Variants in CLSPN observed in about 807,000 individuals in gnomAD.
The protein encoded by CLSPN is claspin homolog.
Under a neutral mutation model 156.3 loss-of-function variants are expected in CLSPN, and 85 were observed. The observed-to-expected ratio is 0.54, with a 90% CI of 0.46 to 0.65. The LOEUF (loss-of-function observed/expected upper bound fraction) is 0.65. Ranked by LOEUF, CLSPN falls within the 30% of genes least tolerant of loss-of-function variation. The pLI is 0.00. For missense variants in CLSPN, 1,407 were observed against 1,554.9 expected (o/e 0.90, Z 1.60); for synonymous variants, 534 against 542.4 (o/e 0.98, Z 0.22).
chr1:35,743,919 G>A (rs1641785064), intron 16 of CLSPN, among the ~76,000 whole-genome samples: 1 of 152,126 alleles, frequency 6.6e-6, no homozygotes, highest in Admixed American at 6.6e-5. Flanking sequence ...ACCTCGCCCA[G>A]CCAAATTTAA....
chr1:35,737,475 T>C, intron 22 of CLSPN, 54 bp from the exon 23 acceptor site: 1 of 1,373,472 alleles, frequency 7.3e-7, no homozygotes, highest in Non-Finnish European at 1.0e-6. Flanking sequence ...TAGAATTACT[T>C]TTAAATCTAA....
chr1:35,765,726 C>A (rs567077922), intron 1 of CLSPN, among the ~76,000 whole-genome samples: 2 of 152,098 alleles, frequency 1.3e-5, no homozygotes, highest in Admixed American at 1.3e-4. Context: ...AAATAACAGA[C>A]CTAGGCAATT....
At position 35,766,062 on chromosome 1, in the gene CLSPN, T is replaced by G. The variant is rs546204276; in HGVS notation, c.25-736A>C. On this transcript the variant is annotated intron_variant, in intron 1 of 24. Coordinates refer to ENST00000318121, the MANE Select transcript of CLSPN (RefSeq NM_022111.4). ...CAGGCTGGAGTGCAGTGGTGCAATCTCGGCTCACTGCAACCTCTGCCTCCT... is the reference window on the plus strand; with the variant it reads ...CAGGCTGGAGTGCAGTGGTGCAATCGCGGCTCACTGCAACCTCTGCCTCCT... Among the ~76,000 whole-genome samples the G allele has an allele frequency of 7.8e-3, 1,131 of 144,162 alleles. 18 individuals are homozygous for G. The highest frequency in any genetic ancestry group is 0.026 in the African/African-American group (1,014 of 39,150). The allele number at this position is 144,162 out of a possible 152,430, so 94.6% of individuals were successfully genotyped here.
At chr1:35,745,714 G>T in intron 15 of CLSPN, 152 bp from the exon 16 acceptor site, 1 of 618,052 alleles carries the variant, frequency 1.6e-6, no homozygotes. Flanking sequence ...TCCTTATTTA[G>T]TGCTTACTAT....
rs775143769 is a variant in CLSPN at position 35,747,911 on chromosome 1, C to T, written c.2623G>A (p.Asp875Asn). ...CAGAAACACAAAACTACCTACCCAT[C>T]TGCATCCAACAGTTGGCTCTGAGTG... ...DDTQSQLLDA[D>N]GFLNVRNHRN... The change falls in exon 14 of 25, where the codon GAT becomes AAT. Residue 875 changes from aspartate (D) to asparagine (N), a missense_variant. Physicochemically the swap from Asp to Asn is conservative, Grantham distance 23 (BLOSUM62 1). This residue lies in a region of CLSPN where 1,096 missense variants were observed against 1,193.0 expected (regional missense o/e 0.92). Transcript: ENST00000318121. The T allele has an allele frequency of 1.2e-6, 2 of 1,612,958 alleles. No homozygotes were observed. The highest frequency in any genetic ancestry group is 1.1e-5 in the South Asian group (1 of 90,752).
At chr1:35,731,819 C>T (rs185400692), downstream of CLSPN, among the ~76,000 whole-genome samples, 25 of 152,226 alleles carry the variant, frequency 1.6e-4, no homozygotes, top group East Asian at 4.4e-3. Context: ...ATGGCAAATA[C>T]AGGAGGAAGA....
At chr1:35,751,560 A>G (rs1269626554) in intron 9 of CLSPN, 54 bp from the exon 10 acceptor site, 4 of 1,548,860 alleles carry the variant, frequency 2.6e-6, no homozygotes, top group Non-Finnish European at 3.5e-6. Context: ...TTAGGTATGC[A>G]TTTTAGGCAA....
At chr1:35,763,546 A>AT (rs3833992) in intron 3 of CLSPN, among the ~76,000 whole-genome samples, 1 of 152,046 alleles carries the variant, frequency 6.6e-6, no homozygotes. Context: ...AACAGTAAAT[A>AT]TTTTTTTGAA....
intron 1 of CLSPN, among the ~76,000 whole-genome samples, chr1:35,767,885 G>A (rs1455989494): frequency 6.6e-6 from 1 of 152,086 alleles, no homozygotes; most frequent in African/African-American, 2.4e-5. Context: ...TTAAAAAGTC[G>A]CAAATAAAAA....
Position 35,736,429 on chromosome 1 carries a change from T to C in CLSPN, c.*67A>G, listed in dbSNP as rs1352614911. On this transcript the variant is annotated 3_prime_UTR_variant, in exon 25 of 25. Coordinates refer to ENST00000318121, the MANE Select transcript of CLSPN (RefSeq NM_022111.4). Reference sequence around the variant, plus strand: ...GAAGGATCATTGGCTGGAGTGTCAATTCCAACTTTCAGTGCTAGAAACTTC... The same window carrying C: ...GAAGGATCATTGGCTGGAGTGTCAACTCCAACTTTCAGTGCTAGAAACTTC... The C allele has an allele frequency of 5.8e-5, 87 of 1,491,970 alleles. No individual in the cohort carries two copies. The highest frequency in any genetic ancestry group is 7.3e-5 in the Non-Finnish European group (82 of 1,122,886). 92.4% of individuals were successfully genotyped at this position (1,491,970 alleles called of 1,614,324 possible).
chr1:35,762,256 C>T (rs1023708983), intron 5 of CLSPN, 148 bp downstream of exon 5: 8 of 808,802 alleles, frequency 9.9e-6, no homozygotes, highest in Non-Finnish European at 1.6e-5. Context: ...TTGTTCAATC[C>T]AATCCATATT....
intron 24 of CLSPN, among the ~76,000 whole-genome samples, chr1:35,724,412 GT>G (rs1310425177): frequency 6.6e-6 from 1 of 152,238 alleles, no homozygotes; most frequent in Non-Finnish European, 1.5e-5. Flanking sequence ...AGAAGATAAA[GT>G]TGGCCCAGTT....
At chr1:35,765,550 T>TA (rs74716409) in intron 1 of CLSPN, among the ~76,000 whole-genome samples, 49 of 147,348 alleles carry the variant, frequency 3.3e-4, no homozygotes, top group East Asian at 9.8e-4. Context: ...TTAGTAACGG[T>TA]AAAAAAAAAA....
rs533164529 is a variant in CLSPN at position 35,732,973 on chromosome 1, T to A, written c.*3523A>T. 1.0e-6 allele frequency: 1 copy of A among 962,792 alleles called. No homozygotes were observed. The highest frequency in any genetic ancestry group is 1.8e-5 in the African/African-American group (1 of 55,394). 59.6% of individuals were successfully genotyped at this position (962,792 alleles called of 1,614,324 possible). ...ATCAGAAACCATTTTCTTTCTTTCT[T>A]TTTTTTTTTGAGAGGGAGTCTCACT... On this transcript the variant is annotated 3_prime_UTR_variant, in exon 25 of 25. Transcript: ENST00000318121.
Position 35,748,540 on chromosome 1 carries a change from A to C in CLSPN, c.2337T>G (p.Ile779Met). ...ESSHNSSFEL[I>M]GSTIPSYQPC... is the part of the protein sequence containing the mutation. ...GCTGATAGGATGGAATCGTGGAGCC[A>C]ATCAGCTCAAAGCTGCTATTGTGGC... Residue 779 changes from isoleucine (I) to methionine (M), a missense_variant, in exon 13 of 25, where the codon ATT becomes ATG. Ile to Met is a conservative substitution (Grantham distance 10, BLOSUM62 1). Transcript: ENST00000318121. The C allele has an allele frequency of 6.2e-7, 1 of 1,614,186 alleles. No individual in the cohort carries two copies.
Position 35,735,931 on chromosome 1 carries a change from A to C in CLSPN, c.*565T>G. On this transcript the variant is annotated 3_prime_UTR_variant, in exon 25 of 25. Coordinates refer to ENST00000318121, the MANE Select transcript of CLSPN (RefSeq NM_022111.4). The stretch of plus-strand genomic sequence containing the variant: ...ATGTCTAATGGAGGAAGTGAAACCT[A>C]ACCCAAGGCCAGGTGCAGTGACTCA... 1 of 985,276 alleles carries C rather than the reference A, an allele frequency of 1.0e-6. No individual in the cohort carries two copies. The highest frequency in any genetic ancestry group is 1.2e-6 in the Non-Finnish European group (1 of 829,900). 61.0% of individuals were successfully genotyped at this position (985,276 alleles called of 1,614,324 possible).
At chr1:35,760,028 T>G (rs371931249) in intron 8 of CLSPN, among the ~76,000 whole-genome samples, 1 of 152,108 alleles carries the variant, frequency 6.6e-6, no homozygotes. Context: ...CAGACGGGGT[T>G]TCACTGTATT....
intron 5 of CLSPN, 101 bp from the exon 6 acceptor site, chr1:35,762,171 G>C: frequency 1.0e-6 from 1 of 962,664 alleles, no homozygotes; most frequent in Non-Finnish European, 1.6e-6. Context: ...AAAGAGGAAA[G>C]GAAATAGTAA....
rs3041363 is a variant in CLSPN, at chr1:35,726,152, C to CAAAAAAAAAAAAAAAAAAAAAAAAAA, written c.3910-5173_3910-5172insTTTTTTTTTTTTTTTTTTTTTTTTTT. On this transcript the variant is annotated intron_variant, in intron 24 of 24. Transcript: ENST00000251195. Reference sequence around the variant, plus strand: ...ACACACCCATAGAAACAGATGCAGACAAAAAAAAAAAAAAAAAAAAAAAGC... The same window carrying CAAAAAAAAAAAAAAAAAAAAAAAAAA: ...ACACACCCATAGAAACAGATGCAGACAAAAAAAAAAAAAAAAAAAAAAAAAAAAAAAAAAAAAAAAAAAAAAAAAGC... Among the ~76,000 whole-genome samples the CAAAAAAAAAAAAAAAAAAAAAAAAAA allele has an allele frequency of 1.7e-4, 8 of 48,188 alleles. 4 individuals are homozygous for CAAAAAAAAAAAAAAAAAAAAAAAAAA. The highest frequency in any genetic ancestry group is 2.2e-4 in the Non-Finnish European group (6 of 27,330). The allele number at this position is 48,188 out of a possible 152,430, so 31.6% of individuals were successfully genotyped here. A position where few individuals can be genotyped will look rare whatever the true frequency, so the allele number is the denominator to read the frequency against.
Sources: allele counts gnomAD v4.1 joint callset (sites outside exome capture counted in the v4.1 genomes callset), GRCh38; gene constraint gnomAD v4.1.1; regional missense constraint gnomAD v4.1.1; transcripts MANE v1.5; gene names NCBI Gene and HGNC (gene_info 2026-07-23, HGNC 2026-07-21).